Variants in CYREN observed in about 807,000 individuals in gnomAD.
CYREN encodes cell cycle regulator of NHEJ.
CYREN carries 7 observed loss-of-function variants against 9.7 expected under a neutral mutation model. The observed-to-expected ratio is 0.72, with a 90% CI of 0.41 to 1.36. The LOEUF is 1.36. Among genes scored for constraint, CYREN ranks in the 40% most tolerant of loss-of-function variants. The pLI, the probability that CYREN is intolerant of heterozygous loss-of-function variation, is 0.01. For missense variants in CYREN, 215 were observed against 198.1 expected (o/e 1.09, Z -0.51); for synonymous variants, 76 against 77.9 (o/e 0.98, Z 0.13).
intron 2 of CYREN, among the ~76,000 whole-genome samples, chr7:135,106,477 G>A (rs950033529): frequency 6.6e-6 from 1 of 152,056 alleles, no homozygotes; most frequent in African/African-American, 2.4e-5. Context: ...AAAATCACGT[G>A]GTTTTGTCTT....
chr7:135,170,581 C>G (rs557803791), intron 1 of CYREN, 71 bp downstream of exon 1: 1 of 152,466 alleles, frequency 6.6e-6, no homozygotes, highest in South Asian at 2.1e-4. Flanking sequence ...CTCCGGCTCT[C>G]GTGCCCCTTC....
In CYREN at chr7:135,139,008, G is replaced by A. The variant is rs1408419998; in HGVS notation, n.356+29741C>T. On this transcript the variant is annotated intron_variant and non_coding_transcript_variant, in intron 2 of 2. Transcript: ENST00000459937. ...TCAGTCCACCATTGATGGTCATCTAGGTTAATTCTATGTCTTTGCTACTGT... is the reference window on the plus strand; with the variant it reads ...TCAGTCCACCATTGATGGTCATCTAAGTTAATTCTATGTCTTTGCTACTGT... 2.0e-5 allele frequency among the ~76,000 whole-genome samples: 3 copies of A among 152,038 alleles called. 1 individual carries two copies. In the Middle Eastern group the frequency reaches 9.5e-3, roughly 481 times the overall value.
chr7:135,153,546 G>A (rs1027862836), intron 2 of CYREN, among the ~76,000 whole-genome samples: 1 of 151,980 alleles, frequency 6.6e-6, no homozygotes, highest in Non-Finnish European at 1.5e-5. Context: ...TACATTGTTG[G>A]TGGGAATGTA....
At chr7:135,169,101 A>G (rs894673174) in intron 1 of CYREN, 41 bp from the exon 2 acceptor site, 8 of 608,744 alleles carry the variant, frequency 1.3e-5, no homozygotes, top group South Asian at 2.1e-5. Context: ...CCATACCTCC[A>G]GTCATCAGGC....
At chr7:135,130,873 T>C (rs17231451) in intron 2 of CYREN, among the ~76,000 whole-genome samples, 36,209 of 152,118 alleles carry the variant, frequency 0.24, 5,353 homozygotes, top group South Asian at 0.42. Flanking sequence ...TTGTTGGCCT[T>C]TTGAAAAATT....
intron 2 of CYREN, among the ~76,000 whole-genome samples, chr7:135,138,881 A>G (rs1829402246): frequency 1.3e-5 from 2 of 151,978 alleles, no homozygotes. Flanking sequence ...TGCTTAGGAT[A>G]ATGACCTCCA....
At chr7:135,094,420 T>C (rs1195269928) in exon 3 of CYREN, 1 of 456,658 alleles carries the variant, frequency 2.2e-6, no homozygotes. Flanking sequence ...GTAGGAACAC[T>C]TAAACAGTGA....
chr7:135,125,813 A>G (rs909163991), intron 2 of CYREN, among the ~76,000 whole-genome samples: 6 of 152,246 alleles, frequency 3.9e-5, no homozygotes, highest in Admixed American at 1.3e-4. Flanking sequence ...ATCTCAATAG[A>G]TGCAAAAAAG....
intron 2 of CYREN, among the ~76,000 whole-genome samples, chr7:135,104,511 T>A (rs1428068860): frequency 1.3e-5 from 2 of 152,186 alleles, no homozygotes; most frequent in Non-Finnish European, 2.9e-5. Flanking sequence ...CCATACTGCT[T>A]TCTATAATGG....
chr7:135,161,074 C>T (rs1829923613), downstream of CYREN, among the ~76,000 whole-genome samples: 1 of 152,144 alleles, frequency 6.6e-6, no homozygotes, highest in South Asian at 2.1e-4. This position sits in a 1 kb window ranked among gnomAD's most constrained non-coding sequence, Gnocchi z 4.1. Flanking sequence ...CCAAGTCGCA[C>T]CAGATGATGG....
exon 3 of CYREN, chr7:135,094,565 A>G (rs1206652154): frequency 2.2e-6 from 1 of 456,486 alleles, no homozygotes; most frequent in South Asian, 1.5e-5. Flanking sequence ...TAGAGCCAAG[A>G]AAGACCTCTT....
chr7:135,099,063 A>C (rs1177099085), intron 2 of CYREN, among the ~76,000 whole-genome samples: 1 of 152,204 alleles, frequency 6.6e-6, no homozygotes, highest in Non-Finnish European at 1.5e-5. Flanking sequence ...ATGTAACAGC[A>C]AAGTAAATAA....
intron 2 of CYREN, among the ~76,000 whole-genome samples, chr7:135,141,173 A>T (rs1025390130): frequency 5.3e-5 from 8 of 152,028 alleles, no homozygotes; most frequent in Non-Finnish European, 1.5e-5. Flanking sequence ...TTCAGCCATG[A>T]ATCTGTATGG....
intron 2 of CYREN, chr7:135,128,646 C>A (rs1828296020): frequency 1.1e-6 from 1 of 931,840 alleles, no homozygotes; most frequent in South Asian, 1.4e-5. Context: ...TGCCTGGATG[C>A]AATTTCTTAA....
chr7:135,150,013 G>T (rs567801172), intron 2 of CYREN, among the ~76,000 whole-genome samples: 1 of 152,146 alleles, frequency 6.6e-6, no homozygotes, highest in African/African-American at 2.4e-5. Flanking sequence ...TTCTTTATTT[G>T]TAGTTTCCAT....
chr7:135,115,699 A>G, intron 2 of CYREN: 10 of 1,125,082 alleles, frequency 8.9e-6, no homozygotes, highest in Non-Finnish European at 1.2e-5. Flanking sequence ...CCTACGAAAA[A>G]AAAATCTGCT....
chr7:135,125,108 A>G (rs944069971), intron 2 of CYREN, among the ~76,000 whole-genome samples: 1 of 152,156 alleles, frequency 6.6e-6, no homozygotes, highest in African/African-American at 2.4e-5. Context: ...CACTGACTCC[A>G]GCAGCTGTTT....
At chr7:135,129,192 T>C in intron 2 of CYREN, 1 of 1,422,752 alleles carries the variant, frequency 7.0e-7, no homozygotes, top group East Asian at 2.3e-5. Flanking sequence ...TGTGGTGTAC[T>C]GCCCCCACGC....
At chr7:135,163,857 G>A (rs994937001), downstream of CYREN, among the ~76,000 whole-genome samples, 24 of 152,174 alleles carry the variant, frequency 1.6e-4, no homozygotes, top group African/African-American at 4.3e-4. Context: ...GCTCACCTTC[G>A]AATGAGCTTC....
Sources: gnomAD v4.1 joint callset for allele counts (sites outside exome capture counted in the v4.1 genomes callset) on GRCh38, gnomAD v4.1.1 for gene constraint, Gnocchi (gnomAD v3.1) non-coding constraint, MANE v1.5 for transcripts, NCBI Gene and HGNC (gene_info 2026-07-23, HGNC 2026-07-21) for gene names.